Variants in SGCZ observed in about 807,000 individuals in gnomAD.
SGCZ encodes zeta-sarcoglycan.
In SGCZ, 40 loss-of-function variants were observed where a neutral mutation model predicts 41.3. That is an observed-to-expected ratio of 0.97 (90% CI 0.75 to 1.26). SGCZ has a LOEUF of 1.26. SGCZ is among the 50% of genes most tolerant of loss of function. The pLI, the probability that SGCZ is intolerant of heterozygous loss-of-function variation, is 0.00. For missense variants in SGCZ, 552 were observed against 369.8 expected (o/e 1.49, Z -4.04); for synonymous variants, 206 against 137.5 (o/e 1.50, Z -3.49).
chr8:14,684,669 T>C (rs1332608041), intron 1 of SGCZ, among the ~76,000 whole-genome samples: 34 of 150,514 alleles, frequency 2.3e-4, no homozygotes, highest in Non-Finnish European at 1.5e-5. Flanking sequence ...GAGGCTGAAA[T>C]AGTTTCGACA....
At chr8:14,813,626 G>A (rs1801801652) in intron 1 of SGCZ, among the ~76,000 whole-genome samples, 1 of 152,030 alleles carries the variant, frequency 6.6e-6, no homozygotes, top group African/African-American at 2.4e-5. Context: ...AACTTTGTAG[G>A]TCACCATTAT....
intron 1 of SGCZ, among the ~76,000 whole-genome samples, chr8:15,108,462 T>G (rs1806917871): frequency 6.6e-6 from 1 of 152,234 alleles, no homozygotes; most frequent in African/African-American, 2.4e-5. Context: ...TGAAATCAAG[T>G]GGATTTTGAA....
intron 3 of SGCZ, among the ~76,000 whole-genome samples, chr8:14,317,131 T>C (rs370850639): frequency 3.2e-4 from 48 of 152,176 alleles, no homozygotes; most frequent in African/African-American, 1.2e-3. Flanking sequence ...GCCTATCACA[T>C]AGTAAGGATT....
chr8:14,632,975 TTA>T (rs538672185), intron 1 of SGCZ, among the ~76,000 whole-genome samples: 24 of 151,514 alleles, frequency 1.6e-4, no homozygotes, highest in Non-Finnish European at 3.1e-4. Context: ...AATAAGTGAA[TTA>T]TATATATATA....
intron 4 of SGCZ, among the ~76,000 whole-genome samples, chr8:14,188,804 T>C (rs537901070): frequency 7.6e-6 from 1 of 132,298 alleles, no homozygotes; most frequent in South Asian, 2.5e-4. Context: ...CTTGTTTTTT[T>C]TTTGTTTGTT....
intron 1 of SGCZ, among the ~76,000 whole-genome samples, chr8:14,574,109 C>G (rs1276204054): frequency 6.6e-6 from 1 of 152,126 alleles, no homozygotes; most frequent in East Asian, 1.9e-4. Flanking sequence ...AGGGACTGAT[C>G]ACTCTCTAGC....
rs903439747 is a variant in SGCZ at position 14,367,897 on chromosome 8, G to A, written c.235-43693C>T. ...CACTTAATAATGCTTGCCCACCAGA[G>A]CAAGAAAAGTCTGATCTCTAACTAC... On this transcript the variant is annotated intron_variant, in intron 2 of 7. Coordinates refer to ENST00000382080, the MANE Select transcript of SGCZ (RefSeq NM_139167.4). 6.6e-5 allele frequency among the ~76,000 whole-genome samples: 10 copies of A among 152,058 alleles called. No individual in the cohort carries two copies. The East Asian group carries it at 1.7e-3, about 27-fold the overall frequency.
intron 1 of SGCZ, among the ~76,000 whole-genome samples, chr8:15,032,355 T>A (rs1803704742): frequency 6.6e-6 from 1 of 152,008 alleles, no homozygotes; most frequent in Non-Finnish European, 1.5e-5. Context: ...ATGACGCACA[T>A]CAGCACTACT....
At chr8:14,603,108 G>T (rs1335684696) in intron 1 of SGCZ, among the ~76,000 whole-genome samples, 2 of 152,100 alleles carry the variant, frequency 1.3e-5, no homozygotes, top group African/African-American at 2.4e-5. Flanking sequence ...GGAGCTAGGT[G>T]GCCTGGGAGT....
At chr8:15,126,395 G>A (rs142358649) in intron 1 of SGCZ, among the ~76,000 whole-genome samples, 58 of 152,082 alleles carry the variant, frequency 3.8e-4, no homozygotes, top group African/African-American at 1.0e-3. Context: ...AATAAGCTTC[G>A]GATTCATTAA....
intron 1 of SGCZ, among the ~76,000 whole-genome samples, chr8:14,588,122 A>G (rs1160486176): frequency 6.6e-6 from 1 of 152,070 alleles, no homozygotes; most frequent in African/African-American, 2.4e-5. Context: ...GTATATTAGT[A>G]AGAATTTTGT....
chr8:14,423,921 G>T (rs1352990411), intron 2 of SGCZ, among the ~76,000 whole-genome samples: 1 of 151,210 alleles, frequency 6.6e-6, no homozygotes. Context: ...ACATATTCAG[G>T]TAACTCATGA....
chr8:15,210,638 A>C (rs995212041), intron 1 of SGCZ, among the ~76,000 whole-genome samples: 5 of 152,188 alleles, frequency 3.3e-5, no homozygotes, highest in African/African-American at 1.2e-4. Context: ...TGAATGACTT[A>C]AATACCTATG....
chr8:15,160,476 A>G (rs983445267), intron 1 of SGCZ, among the ~76,000 whole-genome samples: 11 of 152,312 alleles, frequency 7.2e-5, no homozygotes, highest in African/African-American at 2.6e-4. Context: ...TTTGAACAGG[A>G]GTCAGTCCAC....
At chr8:14,991,739 C>T (rs950225229) in intron 1 of SGCZ, among the ~76,000 whole-genome samples, 2 of 151,858 alleles carry the variant, frequency 1.3e-5, no homozygotes, top group East Asian at 1.9e-4. Context: ...TAATACTTAC[C>T]TCTCACCCAT....
intron 1 of SGCZ, among the ~76,000 whole-genome samples, chr8:14,746,569 G>A (rs2130300720): frequency 6.6e-6 from 1 of 152,012 alleles, no homozygotes; most frequent in East Asian, 1.9e-4. Context: ...AAATAAACCT[G>A]GCATAAGAAT....
At chr8:14,607,365 A>G (rs1459122629) in intron 1 of SGCZ, among the ~76,000 whole-genome samples, 1 of 152,150 alleles carries the variant, frequency 6.6e-6, no homozygotes, top group South Asian at 2.1e-4. Flanking sequence ...CTTAAATATA[A>G]CTTTTATGAA....
chr8:14,507,005 C>T (rs1163606999), intron 2 of SGCZ, among the ~76,000 whole-genome samples: 1 of 152,168 alleles, frequency 6.6e-6, no homozygotes, highest in Non-Finnish European at 1.5e-5. Flanking sequence ...TAAATACCAT[C>T]TCTATGCTAA....
intron 2 of SGCZ, among the ~76,000 whole-genome samples, chr8:14,510,061 C>T (rs1016896823): frequency 2.0e-5 from 3 of 152,072 alleles, no homozygotes; most frequent in African/African-American, 4.8e-5. Flanking sequence ...CCACCCCTGG[C>T]CCCTCCCAGT....
Sources: gnomAD v4.1 joint callset for allele counts (sites outside exome capture counted in the v4.1 genomes callset) on GRCh38, gnomAD v4.1.1 for gene constraint, MANE v1.5 for transcripts, NCBI Gene and HGNC (gene_info 2026-07-23, HGNC 2026-07-21) for gene names.